ZYG11A: variants seen among roughly 807,000 people sequenced by gnomAD.
The protein encoded by ZYG11A is zyg-11 family member A, cell cycle regulator.
Under a neutral mutation model 77.2 loss-of-function variants are expected in ZYG11A, and 62 were observed. The observed-to-expected ratio is 0.80, with a 90% CI of 0.65 to 0.99. The LOEUF (loss-of-function observed/expected upper bound fraction) is 0.99, where lower values mean the gene tolerates loss of function less well. Ranked by LOEUF, ZYG11A falls within the 50% of genes least tolerant of loss-of-function variation. The pLI is 0.00. For missense variants in ZYG11A, 828 were observed against 896.8 expected, an observed-to-expected ratio of 0.92 and a Z score of 0.98; for synonymous variants, 315 against 324.6, an observed-to-expected ratio of 0.97 and a Z score of 0.32.
At chr1:52,888,771 T>A (rs1181219022) in intron 13 of ZYG11A, among the ~76,000 whole-genome samples, 2 of 152,200 alleles carry the variant, frequency 1.3e-5, no homozygotes, top group African/African-American at 4.8e-5. Flanking sequence ...CAGTGAGCCA[T>A]GATCAGGCAA....
chr1:52,865,910 C>T (rs1571856607), intron 5 of ZYG11A, among the ~76,000 whole-genome samples: 1 of 144,296 alleles, frequency 6.9e-6, no homozygotes, highest in South Asian at 2.2e-4. Flanking sequence ...AAATCTAATA[C>T]AAATGTGTAC....
At chr1:52,880,226 A>G (rs2150017113) in intron 10 of ZYG11A, among the ~76,000 whole-genome samples, 1 of 152,182 alleles carries the variant, frequency 6.6e-6, no homozygotes, top group East Asian at 1.9e-4. Context: ...GATGAGAGAT[A>G]TAGCTGGTCT....
At chr1:52,852,059 C>T (rs1273682372) in intron 1 of ZYG11A, among the ~76,000 whole-genome samples, 4 of 151,966 alleles carry the variant, frequency 2.6e-5, no homozygotes, top group Non-Finnish European at 4.4e-5. Context: ...GGATTACAGG[C>T]GCCTGCCACC....
rs1265066379 is a variant in ZYG11A, at chr1:52,893,719, T to G, written c.*762T>G. 6.6e-6 allele frequency: 1 copy of G among 151,408 alleles called. No individual in the cohort carries two copies. The highest frequency in any genetic ancestry group is 2.0e-4 in the East Asian group (1 of 5,104). The allele number at this position is 151,408 out of a possible 1,614,324, so 9.4% of individuals were successfully genotyped here. ...GGCAGAGGTTGCAGTGAGCTGAGAT[T>G]GCACCACTGCACTCCAGCCTGGATG... is the stretch of plus-strand genomic sequence containing the variant. On this transcript the variant is annotated 3_prime_UTR_variant, in exon 14 of 14. Transcript: ENST00000371528.
At chr1:52,872,045 AAT>A (rs1646176954) in intron 8 of ZYG11A, among the ~76,000 whole-genome samples, 1 of 152,220 alleles carries the variant, frequency 6.6e-6, no homozygotes, top group African/African-American at 2.4e-5. Flanking sequence ...GTCTGTTTAC[AAT>A]AGAGATGAAA....
intron 1 of ZYG11A, 37 bp from the exon 2 acceptor site, chr1:52,854,428 T>A: frequency 2.0e-6 from 3 of 1,508,068 alleles, no homozygotes; most frequent in Non-Finnish European, 2.7e-6. Flanking sequence ...GTTGCAGATG[T>A]ATTCTAACAA....
rs200972812 is a variant in ZYG11A, at chr1:52,845,252, AT to A, written c.90+2281del. On this transcript the variant is annotated intron_variant, in intron 1 of 13. Coordinates refer to ENST00000371528, the MANE Select transcript of ZYG11A (RefSeq NM_001004339.3). ...AGTGTTTAACAACTGTATGTTTTAA[AT>A]TGTGTCTCTTGTAAACAGCAATCTT... Among the ~76,000 whole-genome samples the A allele has an allele frequency of 8.3e-3, 1,240 of 149,496 alleles. 17 individuals are homozygous for A. In the Middle Eastern group the frequency reaches 0.14, roughly 17 times the overall value.
In ZYG11A at chr1:52,842,883, C is replaced by T. The variant is rs983254258; in HGVS notation, c.-1C>T. ...TTTGACGCCCCGCCGCCGGGGTTGC[C>T]ATGGTTCATTTCTTGCACCCGGGCC... On this transcript the variant is annotated 5_prime_UTR_variant, in exon 1 of 14. Coordinates refer to ENST00000371528, the MANE Select transcript of ZYG11A (RefSeq NM_001004339.3). 8.5e-6 allele frequency: 13 copies of T among 1,531,298 alleles called. No homozygotes were observed. Among genetic ancestry groups the T allele is most frequent in the South Asian group, 2.4e-5 (2 of 81,684 alleles). The allele number at this position is 1,531,298 out of a possible 1,614,324, so 94.9% of individuals were successfully genotyped here.
At chr1:52,858,224 T>C (rs1035455453) in intron 3 of ZYG11A, among the ~76,000 whole-genome samples, 1 of 148,236 alleles carries the variant, frequency 6.7e-6, no homozygotes, top group East Asian at 2.2e-4. Flanking sequence ...TGGTGAAACC[T>C]GGTCTCTACT....
intron 8 of ZYG11A, among the ~76,000 whole-genome samples, chr1:52,871,121 T>G (rs546365796): frequency 6.6e-6 from 1 of 152,312 alleles, no homozygotes; most frequent in Non-Finnish European, 1.5e-5. Context: ...TCATGAAGTA[T>G]TTTTAAAAAA....
intron 10 of ZYG11A, among the ~76,000 whole-genome samples, chr1:52,879,154 A>G (rs76822490): frequency 0.015 from 2,345 of 152,258 alleles, 29 homozygotes; most frequent in Middle Eastern, 0.13. Flanking sequence ...TCCTAAAGCT[A>G]AAGGTGAAGA....
chr1:52,887,630 T>C (rs1388532495), intron 13 of ZYG11A, among the ~76,000 whole-genome samples: 1 of 151,768 alleles, frequency 6.6e-6, no homozygotes, highest in Non-Finnish European at 1.5e-5. Context: ...GTGCTGGGAT[T>C]ACAGCACTTT....
chr1:52,848,244 G>A (rs1007735787), intron 1 of ZYG11A, among the ~76,000 whole-genome samples: 66 of 151,990 alleles, frequency 4.3e-4, no homozygotes, highest in African/African-American at 1.6e-3. Context: ...CTGGTGATCC[G>A]CCTACCTTGG....
chr1:52,875,802 A>G (rs1418866667), intron 8 of ZYG11A, among the ~76,000 whole-genome samples: 2 of 150,656 alleles, frequency 1.3e-5, no homozygotes, highest in African/African-American at 4.9e-5. Context: ...TGTTGATGCA[A>G]ATGCAAGTAG....
intron 5 of ZYG11A, 41 bp from the exon 6 acceptor site, chr1:52,866,462 G>A (rs1646028807): frequency 8.8e-7 from 1 of 1,135,206 alleles, no homozygotes; most frequent in African/African-American, 1.5e-5. Context: ...AGAATGGAAT[G>A]TTACATTTGT....
intron 8 of ZYG11A, among the ~76,000 whole-genome samples, chr1:52,873,664 G>A (rs1646209483): frequency 6.6e-6 from 1 of 152,178 alleles, no homozygotes; most frequent in Non-Finnish European, 1.5e-5. Flanking sequence ...GACAGCAGCA[G>A]AGTTTGAAAG....
chr1:52,887,188 A>G (rs963246164), intron 13 of ZYG11A, 135 bp downstream of exon 13: 1 of 406,822 alleles, frequency 2.5e-6, no homozygotes. Flanking sequence ...AAGAAACTGA[A>G]AAAAGATATT....
rs750862230 is a variant in ZYG11A at position 52,863,893 on chromosome 1, A to C, written c.1150-88A>C. The C allele has an allele frequency of 2.1e-4, 256 of 1,246,136 alleles. 1 individual carries two copies. Among genetic ancestry groups the C allele is most frequent in the Non-Finnish European group, 2.1e-4 (194 of 911,610 alleles). The allele number at this position is 1,246,136 out of a possible 1,614,324, so 77.2% of individuals were successfully genotyped here. On this transcript the variant is annotated intron_variant, in intron 4 of 13. Transcript: ENST00000371528. Reference sequence around the variant, plus strand: ...GGAAAATCTGTTCCTGTCCCAATAAACGAAGATTTGTGCCAATCAAAACAT... The same window carrying C: ...GGAAAATCTGTTCCTGTCCCAATAACCGAAGATTTGTGCCAATCAAAACAT...
chr1:52,853,303 C>T, intron 1 of ZYG11A, among the ~76,000 whole-genome samples: 1 of 152,216 alleles, frequency 6.6e-6, no homozygotes, highest in East Asian at 1.9e-4. Context: ...GAGTCAGGGA[C>T]TATCTGTACA....
Sources: gnomAD v4.1 joint callset for allele counts (sites outside exome capture counted in the v4.1 genomes callset) on GRCh38, gnomAD v4.1.1 for gene constraint, MANE v1.5 for transcripts, NCBI Gene and HGNC (gene_info 2026-07-23, HGNC 2026-07-21) for gene names.